HSD17B12: variants seen among roughly 807,000 people sequenced by gnomAD.
HSD17B12 encodes the protein hydroxysteroid 17-beta dehydrogenase 12.
Under a neutral mutation model 39.3 loss-of-function variants are expected in HSD17B12, and 32 were observed. The ratio of observed to expected loss-of-function variants is 0.81; its 90% CI spans 0.61 to 1.09. HSD17B12 has a LOEUF of 1.09. HSD17B12 is among the 50% of genes least tolerant of loss of function. The pLI, the probability that HSD17B12 is intolerant of heterozygous loss-of-function variation, is 0.00. For synonymous variants in HSD17B12, 150 were observed against 146.7 expected (o/e 1.02, Z -0.16); for missense variants, 342 against 382.9 (o/e 0.89, Z 0.89).
In HSD17B12 at chr11:43,855,993, A is replaced by T; in HGVS notation, c.*745A>T. 1 of 152,340 alleles carries T rather than the reference A, an allele frequency of 6.6e-6. No homozygotes were observed. Among genetic ancestry groups the T allele is most frequent in the Non-Finnish European group, 1.5e-5 (1 of 68,022 alleles). 9.4% of individuals were successfully genotyped at this position (152,340 alleles called of 1,614,324 possible). ...CTGGCAGCCATCTATGGTACCACTG[A>T]AACCCTGACCCAGAAAAGTGGCTTG... On this transcript the variant is annotated 3_prime_UTR_variant, in exon 11 of 11. Transcript: ENST00000278353.
chr11:43,846,696 C>CT (rs1005693721), intron 9 of HSD17B12, among the ~76,000 whole-genome samples: 1 of 152,136 alleles, frequency 6.6e-6, no homozygotes, highest in Admixed American at 6.6e-5. Context: ...AGTCCTGAAA[C>CT]TTGCTTAAAG....
chr11:43,702,768 C>A (rs539612338), intron 1 of HSD17B12, among the ~76,000 whole-genome samples: 2 of 152,222 alleles, frequency 1.3e-5, no homozygotes, highest in South Asian at 4.2e-4. Context: ...TGTGGCCCAA[C>A]ACAAATTTCT....
the HSD17B12 span, among the ~76,000 whole-genome samples, chr11:43,590,773 G>A: frequency 1.4e-3 from 212 of 147,108 alleles, no homozygotes; most frequent in Non-Finnish European, 2.3e-3. Flanking sequence ...GCCTCCCAAA[G>A]TGCTGGGATT....
the HSD17B12 span, among the ~76,000 whole-genome samples, chr11:43,616,534 C>T: frequency 6.6e-6 from 1 of 151,456 alleles, no homozygotes; most frequent in African/African-American, 2.4e-5. Context: ...ATATGCCAGG[C>T]ATTGTTCTAA....
At position 43,784,301 on chromosome 11, in the gene HSD17B12, ATATTATTATTAT is replaced by A. The variant is rs36168037; in HGVS notation, c.284-13984_284-13973del. Among the ~76,000 whole-genome samples the A allele has an allele frequency of 3.1e-3, 450 of 143,110 alleles. 2 individuals are homozygous for A. Among genetic ancestry groups the A allele is most frequent in the Middle Eastern group, 0.015 (4 of 272 alleles). The allele number at this position is 143,110 out of a possible 152,430, so 93.9% of individuals were successfully genotyped here. ...CACAAGTAGTTTAGGTCAGGGATTG[ATATTATTATTAT>A]TATTATTATTATTATTATTATTATT... On this transcript the variant is annotated intron_variant, in intron 3 of 10. Coordinates refer to ENST00000278353, the MANE Select transcript of HSD17B12 (RefSeq NM_016142.3).
chr11:43,600,151 A>G, the HSD17B12 span, among the ~76,000 whole-genome samples: 1 of 151,676 alleles, frequency 6.6e-6, no homozygotes, highest in Non-Finnish European at 1.5e-5. Context: ...TATTATTTTT[A>G]TTTGTGCATT....
At chr11:43,666,727 G>C in the HSD17B12 span, among the ~76,000 whole-genome samples, 1 of 152,194 alleles carries the variant, frequency 6.6e-6, no homozygotes, top group African/African-American at 2.4e-5. Flanking sequence ...AGGAAAATAT[G>C]TTTAGATACC....
the HSD17B12 span, among the ~76,000 whole-genome samples, chr11:43,607,584 C>A: frequency 1.3e-5 from 2 of 152,070 alleles, no homozygotes; most frequent in Non-Finnish European, 2.9e-5. Flanking sequence ...TTCACAACAA[C>A]CATGTGAGGT....
At chr11:43,587,456 A>T in the HSD17B12 span, among the ~76,000 whole-genome samples, 2 of 152,198 alleles carry the variant, frequency 1.3e-5, no homozygotes, top group Non-Finnish European at 2.9e-5. Context: ...CTTAGGTTGC[A>T]TGGTCAAATC....
intron 3 of HSD17B12, among the ~76,000 whole-genome samples, chr11:43,794,706 G>T (rs1035904015): frequency 2.0e-5 from 3 of 152,202 alleles, no homozygotes; most frequent in Admixed American, 2.0e-4. Context: ...ACACCCAAAA[G>T]CTGTCTGCTG....
In HSD17B12 at chr11:43,749,552, A is replaced by T. The variant is rs117924137; in HGVS notation, c.161-1359A>T. On this transcript the variant is annotated intron_variant, in intron 1 of 10. Transcript: ENST00000278353. ...AGGGAATATTAGATGAAGCAAGGTT[A>T]ACCTCAAGTTGTTGATTGGTGAAGC... Among the ~76,000 whole-genome samples the T allele has an allele frequency of 5.3e-5, 8 of 152,216 alleles. No individual in the cohort carries two copies. In the East Asian group the frequency reaches 1.2e-3, roughly 22 times the overall value.
intron 3 of HSD17B12, chr11:43,755,090 A>G (rs1476980772): frequency 5.1e-6 from 2 of 392,362 alleles, no homozygotes; most frequent in Non-Finnish European, 9.0e-6. Context: ...TTAAGAGTCA[A>G]TTTGTGTTTG....
At chr11:43,628,889 C>T in the HSD17B12 span, among the ~76,000 whole-genome samples, 1 of 151,928 alleles carries the variant, frequency 6.6e-6, no homozygotes. Context: ...TTTGCAACAG[C>T]ATTTGATTGC....
chr11:43,568,796 T>C, the HSD17B12 span, among the ~76,000 whole-genome samples: 2 of 152,196 alleles, frequency 1.3e-5, no homozygotes, highest in Non-Finnish European at 2.9e-5. Context: ...GGTTTTTTAA[T>C]TACATAAAAT....
chr11:43,707,533 G>C (rs1950027259), intron 1 of HSD17B12, among the ~76,000 whole-genome samples: 1 of 152,192 alleles, frequency 6.6e-6, no homozygotes. Flanking sequence ...TCTTCTGAGA[G>C]ATAGTCACAA....
intron 3 of HSD17B12, chr11:43,755,055 C>A: frequency 2.3e-6 from 1 of 427,936 alleles, no homozygotes; most frequent in Non-Finnish European, 4.1e-6. Flanking sequence ...ATACTTTTAT[C>A]CTCACAAATC....
At chr11:43,639,324 T>C in the HSD17B12 span, among the ~76,000 whole-genome samples, 1 of 152,102 alleles carries the variant, frequency 6.6e-6, no homozygotes, top group East Asian at 1.9e-4. Context: ...GGAAAACGAG[T>C]AGAGCTGAGG....
intron 1 of HSD17B12, among the ~76,000 whole-genome samples, chr11:43,713,171 G>A (rs1950085777): frequency 6.6e-6 from 1 of 152,118 alleles, no homozygotes; most frequent in Non-Finnish European, 1.5e-5. Context: ...GGGTACATGT[G>A]CACAACGTGC....
At chr11:43,585,742 G>A in the HSD17B12 span, among the ~76,000 whole-genome samples, 1 of 152,178 alleles carries the variant, frequency 6.6e-6, no homozygotes, top group Non-Finnish European at 1.5e-5. Flanking sequence ...TTGGGCAATA[G>A]GGTTGTTGTT....
Sources: gnomAD v4.1 joint callset for allele counts (sites outside exome capture counted in the v4.1 genomes callset) on GRCh38, gnomAD v4.1.1 for gene constraint, MANE v1.5 for transcripts, NCBI Gene and HGNC (gene_info 2026-07-23, HGNC 2026-07-21) for gene names.